LNX1: variants seen among roughly 807,000 people sequenced by gnomAD.
LNX1 encodes the protein ligand of numb-protein X 1.
LNX1 carries 54 observed loss-of-function variants against 68.4 expected under a neutral mutation model. The ratio of observed to expected loss-of-function variants is 0.79; its 90% CI spans 0.63 to 0.99. The LOEUF is 0.99. LNX1 is among the 50% of genes least tolerant of loss of function. The pLI, the probability that LNX1 is intolerant of heterozygous loss-of-function variation, is 0.00. For synonymous variants in LNX1, 336 were observed against 350.0 expected (o/e 0.96, Z 0.45); for missense variants, 906 against 926.4 (o/e 0.98, Z 0.29).
intron 2 of LNX1, among the ~76,000 whole-genome samples, chr4:53,514,469 C>CAT (rs1726597325): frequency 6.8e-6 from 1 of 146,246 alleles, no homozygotes; most frequent in African/African-American, 2.5e-5. Context: ...AGTGACGTCT[C>CAT]ATATGGCGGC....
chr4:53,604,551 T>C (rs1019112349), intron 2 of LNX1, among the ~76,000 whole-genome samples: 4 of 152,218 alleles, frequency 2.6e-5, no homozygotes, highest in African/African-American at 9.6e-5. Flanking sequence ...CGAATTCTTA[T>C]GGGTTGTGGT....
intron 1 of LNX1, among the ~76,000 whole-genome samples, chr4:53,577,506 C>T (rs913029008): frequency 6.6e-6 from 1 of 152,186 alleles, no homozygotes; most frequent in Non-Finnish European, 1.5e-5. Flanking sequence ...TCAGATACTT[C>T]CAGATCTTCC....
chr4:53,509,404 C>T (rs767818335), intron 2 of LNX1, among the ~76,000 whole-genome samples: 1 of 152,200 alleles, frequency 6.6e-6, no homozygotes, highest in Non-Finnish European at 1.5e-5. Flanking sequence ...AAAGGTCAGT[C>T]TACCGTGATA....
chr4:53,548,303 A>G (rs557789890), intron 2 of LNX1, among the ~76,000 whole-genome samples: 7 of 152,304 alleles, frequency 4.6e-5, no homozygotes, highest in Non-Finnish European at 8.8e-5. Context: ...TGTTTTACCA[A>G]TGAGCCCTGA....
At chr4:53,611,166 A>G (rs1733479498) in intron 2 of LNX1, among the ~76,000 whole-genome samples, 1 of 152,174 alleles carries the variant, frequency 6.6e-6, no homozygotes, top group African/African-American at 2.4e-5. Context: ...GTGGATCTAC[A>G]AACAGGCAAA....
intron 2 of LNX1, among the ~76,000 whole-genome samples, chr4:53,616,246 A>T (rs1479282511): frequency 1.1e-4 from 17 of 152,108 alleles, no homozygotes; most frequent in Non-Finnish European, 2.4e-4. Flanking sequence ...TTTTTTTCTT[A>T]GAAACCTAGA....
At chr4:53,517,873 G>C (rs570770091) in intron 2 of LNX1, among the ~76,000 whole-genome samples, 8 of 152,224 alleles carry the variant, frequency 5.3e-5, no homozygotes, top group African/African-American at 1.9e-4. Flanking sequence ...TCCACCATCT[G>C]GTATTCAGTG....
intron 2 of LNX1, among the ~76,000 whole-genome samples, chr4:53,567,133 C>T (rs1730753336): frequency 7.0e-6 from 1 of 142,736 alleles, no homozygotes; most frequent in African/African-American, 2.6e-5. Context: ...CTCAGCTCTG[C>T]ACCAAGCGGA....
chr4:53,533,943 A>G (rs1196076202), intron 2 of LNX1, among the ~76,000 whole-genome samples: 3 of 152,224 alleles, frequency 2.0e-5, no homozygotes, highest in African/African-American at 7.2e-5. Flanking sequence ...ACTTCTGCCC[A>G]TGCACTGGCA....
chr4:53,649,884 C>G (rs1253761052), intron 1 of LNX1, among the ~76,000 whole-genome samples: 2 of 152,138 alleles, frequency 1.3e-5, no homozygotes, highest in Non-Finnish European at 2.9e-5. Flanking sequence ...TATGTTCCAC[C>G]CTAGCCAAGC....
At position 53,472,513 on chromosome 4, in the gene LNX1, C is replaced by T. The variant is rs1253053618; in HGVS notation, c.1892+4240G>A. Among the ~76,000 whole-genome samples, 5 of 151,460 alleles carry T rather than the reference C, an allele frequency of 3.3e-5. No individual in the cohort carries two copies. The East Asian group carries it at 7.7e-4, about 23-fold the overall frequency. On this transcript the variant is annotated intron_variant, in intron 9 of 10. Transcript: ENST00000263925. ...AAAAAAAAGAAGAAGAAGAAAGACA[C>T]AAGGGATCCTAATAATAAAAAACAA...
chr4:53,601,421 T>C (rs1266545226), intron 2 of LNX1, among the ~76,000 whole-genome samples: 1 of 152,150 alleles, frequency 6.6e-6, no homozygotes, highest in Admixed American at 6.5e-5. Context: ...AGTTCTGCCA[T>C]GGGTATGCTC....
chr4:53,466,928 A>G (rs1190907358), intron 9 of LNX1, among the ~76,000 whole-genome samples: 1 of 152,166 alleles, frequency 6.6e-6, no homozygotes, highest in African/African-American at 2.4e-5. Flanking sequence ...CAGGGCACAG[A>G]CAAACAAAAG....
chr4:53,496,425 G>T, intron 5 of LNX1, 31 bp from the exon 6 acceptor site: 1 of 1,517,536 alleles, frequency 6.6e-7, no homozygotes, highest in South Asian at 1.3e-5. Flanking sequence ...CGTGCGGTCA[G>T]CTCCACCTGC....
chr4:53,543,847 C>T (rs1303995639), intron 2 of LNX1, among the ~76,000 whole-genome samples: 1 of 152,062 alleles, frequency 6.6e-6, no homozygotes, highest in African/African-American at 2.4e-5. Context: ...AACAAATCTC[C>T]ATGATGCTTT....
intron 4 of LNX1, among the ~76,000 whole-genome samples, chr4:53,501,299 T>TTGGGGGGGGGGG (rs56165716): frequency 1.0e-4 from 4 of 38,788 alleles, no homozygotes; most frequent in Admixed American, 8.0e-4. Context: ...TTTTTTTTTT[T>TTGGGGGGGGGGG]GGGGGTGGGG....
rs1407645915 is a variant in LNX1 at position 53,496,334 on chromosome 4, G to A, written c.1039C>T (p.Pro347Ser). 1.9e-6 allele frequency: 3 copies of A among 1,614,012 alleles called. No homozygotes were observed. The East Asian group carries it at 6.7e-5, about 36-fold the overall frequency. Residue 347 changes from proline (P) to serine (S), a missense_variant, in exon 6 of 11, where the codon CCC (proline) becomes TCC (serine). Coordinates refer to ENST00000263925, the MANE Select transcript of LNX1 (RefSeq NM_001126328.3). The part of the protein sequence containing the change: ...HNYAVRLLRQ[P>S]CQVLWLTVMR... ...ACAGTCAGCCACAGCACCTGGCAGG[G>A]CTGCCGCAGGAGACGCACAGCGTAG...
At chr4:53,633,035 T>C (rs867870509) in intron 1 of LNX1, among the ~76,000 whole-genome samples, 1 of 152,288 alleles carries the variant, frequency 6.6e-6, no homozygotes, top group Non-Finnish European at 1.5e-5. Context: ...GGAAAGAACA[T>C]AAACTTTGGG....
intron 6 of LNX1, among the ~76,000 whole-genome samples, chr4:53,483,039 C>A (rs1724048648): frequency 6.6e-6 from 1 of 152,090 alleles, no homozygotes; most frequent in Non-Finnish European, 1.5e-5. Context: ...TTGACTGTGT[C>A]CCCAGTCAAA....
Sources: gnomAD v4.1 joint callset for allele counts (sites outside exome capture counted in the v4.1 genomes callset) on GRCh38, gnomAD v4.1.1 for gene constraint, MANE v1.5 for transcripts, NCBI Gene and HGNC (gene_info 2026-07-23, HGNC 2026-07-21) for gene names.